Variants in GRIP1 observed in about 807,000 individuals in gnomAD.
GRIP1 encodes the protein glutamate receptor-interacting protein 1.
In GRIP1, 45 loss-of-function variants were observed where a neutral mutation model predicts 129.9. That is an observed-to-expected ratio of 0.35 (90% CI 0.27 to 0.44). The LOEUF (loss-of-function observed/expected upper bound fraction) is 0.44. GRIP1 is among the 20% of genes least tolerant of loss of function. GRIP1 has a pLI of 1.00. For synonymous variants in GRIP1, 530 were observed against 520.8 expected, an observed-to-expected ratio of 1.02 and a Z score of -0.24; for missense variants, 1,196 against 1,396.8, an observed-to-expected ratio of 0.86 and a Z score of 2.29.
chr12:66,586,679 C>G (rs1253941997), intron 2 of GRIP1, among the ~76,000 whole-genome samples: 2 of 152,172 alleles, frequency 1.3e-5, no homozygotes, highest in African/African-American at 2.4e-5. Flanking sequence ...AGCAAAAACC[C>G]TGGAATTATC....
intron 1 of GRIP1, among the ~76,000 whole-genome samples, chr12:66,898,418 C>T (rs1432454572): frequency 6.6e-6 from 1 of 152,178 alleles, no homozygotes; most frequent in East Asian, 1.9e-4. Context: ...TCCTTAATAA[C>T]AGCTCTTTAA....
At chr12:66,424,739 T>A (rs1157870908) in intron 14 of GRIP1, among the ~76,000 whole-genome samples, 1 of 152,210 alleles carries the variant, frequency 6.6e-6, no homozygotes, top group East Asian at 1.9e-4. Flanking sequence ...GATGTCTTGA[T>A]GTTTTTGTTT....
chr12:66,511,721 C>T (rs2060704369), intron 7 of GRIP1, among the ~76,000 whole-genome samples: 2 of 152,096 alleles, frequency 1.3e-5, no homozygotes, highest in Non-Finnish European at 2.9e-5. Context: ...GGTGGTAGGA[C>T]CATCTTGCCA....
At chr12:66,753,652 A>G (rs937997269) in intron 1 of GRIP1, among the ~76,000 whole-genome samples, 1 of 152,242 alleles carries the variant, frequency 6.6e-6, no homozygotes, top group African/African-American at 2.4e-5. Flanking sequence ...CTTAGGCAGA[A>G]CTAATCACCC....
chr12:66,516,980 G>A (rs1193403489), intron 6 of GRIP1, among the ~76,000 whole-genome samples: 2 of 152,180 alleles, frequency 1.3e-5, no homozygotes, highest in African/African-American at 4.8e-5. Flanking sequence ...GAGGGTGGTT[G>A]TAAGGATAAA....
At chr12:66,753,379 T>A (rs1184060151) in intron 1 of GRIP1, among the ~76,000 whole-genome samples, 1 of 152,160 alleles carries the variant, frequency 6.6e-6, no homozygotes, top group East Asian at 1.9e-4. Flanking sequence ...ATTCTAAGGA[T>A]CTGGGACATG....
At chr12:66,819,311 C>T (rs2136978921) in intron 1 of GRIP1, among the ~76,000 whole-genome samples, 1 of 152,272 alleles carries the variant, frequency 6.6e-6, no homozygotes, top group African/African-American at 2.4e-5. Flanking sequence ...GCAATATAAT[C>T]ACATAAGATG....
intron 1 of GRIP1, among the ~76,000 whole-genome samples, chr12:66,704,174 CTTTAG>C (rs1046653133): frequency 6.6e-6 from 1 of 151,992 alleles, no homozygotes; most frequent in Non-Finnish European, 1.5e-5. Flanking sequence ...TCAAAATAAA[CTTTAG>C]TTTGATAAGC....
chr12:66,916,961 A>C (rs535911871), intron 1 of GRIP1, among the ~76,000 whole-genome samples: 14 of 152,338 alleles, frequency 9.2e-5, no homozygotes, highest in African/African-American at 3.1e-4. Flanking sequence ...TCTTTATAAA[A>C]TAAATAAGAT....
chr12:66,704,309 GATTTTT>G (rs2035454596), intron 1 of GRIP1, among the ~76,000 whole-genome samples: 2 of 151,786 alleles, frequency 1.3e-5, no homozygotes, highest in Admixed American at 6.6e-5. Context: ...TTAAAAAACA[GATTTTT>G]ATAATTAAAA....
At chr12:66,572,350 G>A (rs564604075) in intron 2 of GRIP1, among the ~76,000 whole-genome samples, 1 of 152,110 alleles carries the variant, frequency 6.6e-6, no homozygotes, top group Non-Finnish European at 1.5e-5. Context: ...AGTAAACAGG[G>A]CCTGGGTCCC....
At chr12:66,535,667 A>AT (rs1057053629) in intron 4 of GRIP1, among the ~76,000 whole-genome samples, 2 of 152,208 alleles carry the variant, frequency 1.3e-5, no homozygotes, top group Non-Finnish European at 2.9e-5. Flanking sequence ...AAACGAAAAA[A>AT]TGTTGTAGCA....
At chr12:66,486,887 C>A (rs1307693500) in intron 7 of GRIP1, among the ~76,000 whole-genome samples, 1 of 152,012 alleles carries the variant, frequency 6.6e-6, no homozygotes, top group East Asian at 1.9e-4. Flanking sequence ...AACTCCTGGG[C>A]TCAAGTGATC....
chr12:66,541,197 C>G (rs1035282932), intron 3 of GRIP1, among the ~76,000 whole-genome samples: 2 of 152,152 alleles, frequency 1.3e-5, no homozygotes, highest in African/African-American at 4.8e-5. Flanking sequence ...CCCACCCCTG[C>G]CCAGTATCCA....
chr12:66,433,505 CAG>C (rs1477955372), intron 13 of GRIP1, among the ~76,000 whole-genome samples: 4 of 152,120 alleles, frequency 2.6e-5, no homozygotes, highest in Non-Finnish European at 5.9e-5. Flanking sequence ...ATCAAGGCAA[CAG>C]AGAGAGAACC....
intron 1 of GRIP1, among the ~76,000 whole-genome samples, chr12:66,611,541 A>G (rs963216901): frequency 2.6e-5 from 4 of 152,160 alleles, no homozygotes; most frequent in African/African-American, 9.6e-5. Flanking sequence ...GATGAAATAT[A>G]ATGCAAAGGC....
chr12:67,031,773 CTT>C (rs2043026456), intron 1 of GRIP1, among the ~76,000 whole-genome samples: 1 of 152,094 alleles, frequency 6.6e-6, no homozygotes, highest in South Asian at 2.1e-4. Flanking sequence ...TCTCTCATCT[CTT>C]CTTTCTTTTA....
intron 1 of GRIP1, among the ~76,000 whole-genome samples, chr12:66,891,393 C>T (rs1457630185): frequency 2.6e-5 from 4 of 152,154 alleles, no homozygotes; most frequent in African/African-American, 4.8e-5. Flanking sequence ...TATCTGGCCA[C>T]AAAGCACATA....
intron 7 of GRIP1, among the ~76,000 whole-genome samples, chr12:66,490,894 TC>T (rs1410773944): frequency 6.6e-6 from 1 of 151,864 alleles, no homozygotes; most frequent in Non-Finnish European, 1.5e-5. Context: ...GAAATGCAAA[TC>T]AAAACAACAA....
Sources: allele counts gnomAD v4.1 joint callset (sites outside exome capture counted in the v4.1 genomes callset), GRCh38; gene constraint gnomAD v4.1.1; transcripts MANE v1.5; gene names NCBI Gene and HGNC (gene_info 2026-07-23, HGNC 2026-07-21).